LGALS8: variants seen among roughly 807,000 people sequenced by gnomAD.
LGALS8 encodes galectin-8.
In LGALS8, 30 loss-of-function variants were observed where a neutral mutation model predicts 35.9. That is an observed-to-expected ratio of 0.83 (90% CI 0.62 to 1.13). The LOEUF (loss-of-function observed/expected upper bound fraction) is 1.13. LGALS8 is among the 50% of genes most tolerant of loss of function. LGALS8 has a pLI of 0.00. For synonymous variants in LGALS8, 138 were observed against 136.1 expected (o/e 1.01, Z -0.10); for missense variants, 366 against 388.7 (o/e 0.94, Z 0.49).
chr1:236,551,409 T>C lies in LGALS8; in HGVS notation c.*3248T>C, dbSNP rs571593849. The C allele has an allele frequency of 6.1e-6, 1 of 165,128 alleles. No homozygotes were observed. The highest frequency in any genetic ancestry group is 6.0e-5 in the Admixed American group (1 of 16,644). 10.2% of individuals were successfully genotyped at this position (165,128 alleles called of 1,614,324 possible). A position where few individuals can be genotyped will look rare whatever the true frequency, so the allele number is the denominator to read the frequency against. On this transcript the variant is annotated 3_prime_UTR_variant, in exon 10 of 10. Transcript: ENST00000366584. ...TACTGTTATTTCCTGGGCCTAAGAC[T>C]CTATGTTCCAGAACTGTCACAGCTC... is the stretch of plus-strand genomic sequence containing the variant.
intron 1 of LGALS8, chr1:236,518,287 A>G (rs1660455197): frequency 6.6e-6 from 1 of 152,216 alleles, no homozygotes; most frequent in Non-Finnish European, 1.5e-5. Flanking sequence ...CTTCGGAGGT[A>G]AGCCTGGTGA....
At chr1:236,519,390 CAAA>C (rs777309791), upstream of LGALS8, among the ~76,000 whole-genome samples, 3 of 120,456 alleles carry the variant, frequency 2.5e-5, no homozygotes, top group Non-Finnish European at 3.6e-5. Context: ...GACTCTGTCT[CAAA>C]AAAAAAAAAA....
In LGALS8 at chr1:236,552,819, C is replaced by A. The variant is rs2103121524; in HGVS notation, c.*4658C>A. ...AAAACCATTTGTAACTACCTAGATT[C>A]AATCAGGATTTCCTTGATTTGTGCA... On this transcript the variant is annotated 3_prime_UTR_variant, in exon 10 of 10. Coordinates refer to ENST00000366584, the MANE Select transcript of LGALS8 (RefSeq NM_201544.4). The A allele has an allele frequency of 6.6e-6, 1 of 152,258 alleles. No homozygotes were observed. Among genetic ancestry groups the A allele is most frequent in the Middle Eastern group, 3.4e-3 (1 of 294 alleles). The allele number at this position is 152,258 out of a possible 1,614,324, so 9.4% of individuals were successfully genotyped here.
In LGALS8 at chr1:236,548,603, T is replaced by C; in HGVS notation, c.*442T>C. The C allele has an allele frequency of 3.6e-6, 1 of 279,776 alleles. No individual in the cohort carries two copies. 17.3% of individuals were successfully genotyped at this position (279,776 alleles called of 1,614,324 possible). A position where few individuals can be genotyped will look rare whatever the true frequency, so the allele number is the denominator to read the frequency against. On this transcript the variant is annotated 3_prime_UTR_variant, in exon 10 of 10. Coordinates refer to ENST00000366584, the MANE Select transcript of LGALS8 (RefSeq NM_201544.4). Reference sequence around the variant, plus strand: ...GTGCGCTACTGCTGCGCACTGCTTTTTCTACAGGCATTACATCAACTCCTA... The same window carrying C: ...GTGCGCTACTGCTGCGCACTGCTTTCTCTACAGGCATTACATCAACTCCTA...
intron 2 of LGALS8, among the ~76,000 whole-genome samples, chr1:236,531,447 C>T (rs1001189918): frequency 6.6e-6 from 1 of 152,108 alleles, no homozygotes; most frequent in Non-Finnish European, 1.5e-5. Context: ...CCTCAGCCTC[C>T]GGAGTAGCTG....
chr1:236,541,054 A>G (rs2758167), intron 5 of LGALS8, among the ~76,000 whole-genome samples: 93,007 of 152,098 alleles, frequency 0.61, 29,344 homozygotes, highest in Non-Finnish European at 0.69. Context: ...AAGATGAACC[A>G]CATATACAAC....
rs1265516592 is a variant in LGALS8, at chr1:236,548,585, A to G, written c.*424A>G. On this transcript the variant is annotated 3_prime_UTR_variant, in exon 10 of 10. Transcript: ENST00000366584. ...TTGAGCTTCGACTCTTCTGTGCGCT[A>G]CTGCTGCGCACTGCTTTTTCTACAG... is the stretch of plus-strand genomic sequence containing the variant. 2 of 267,524 alleles carry G rather than the reference A, an allele frequency of 7.5e-6. No individual in the cohort carries two copies. Among genetic ancestry groups the G allele is most frequent in the Non-Finnish European group, 1.4e-5 (2 of 143,774 alleles). The allele number at this position is 267,524 out of a possible 1,614,324, so 16.6% of individuals were successfully genotyped here. A position where few individuals can be genotyped will look rare whatever the true frequency, so the allele number is the denominator to read the frequency against.
rs1662777385 is a variant in LGALS8, at chr1:236,552,151, G to A, written c.*3990G>A. On this transcript the variant is annotated 3_prime_UTR_variant, in exon 10 of 10. Coordinates refer to ENST00000366584, the MANE Select transcript of LGALS8 (RefSeq NM_201544.4). ...CAAAGAAATAAAAAGTAGTGTTACT[G>A]TATTTATTATCTTAAGAGCTGTACT... 7.8e-7 allele frequency: 1 copy of A among 1,286,270 alleles called. No homozygotes were observed. The highest frequency in any genetic ancestry group is 1.1e-6 in the Non-Finnish European group (1 of 888,100). 79.7% of individuals were successfully genotyped at this position (1,286,270 alleles called of 1,614,324 possible). A position where few individuals can be genotyped will look rare whatever the true frequency, so the allele number is the denominator to read the frequency against.
intron 7 of LGALS8, chr1:236,543,000 T>A (rs2273865): frequency 0.049 from 78,911 of 1,613,914 alleles, 3,542 homozygotes; most frequent in African/African-American, 0.19. Flanking sequence ...AATCACACTT[T>A]GACTTGCACC....
At chr1:236,544,421 C>T (rs1406236222) in intron 8 of LGALS8, among the ~76,000 whole-genome samples, 3 of 152,220 alleles carry the variant, frequency 2.0e-5, no homozygotes, top group African/African-American at 7.2e-5. Context: ...AAAGAGAATA[C>T]CTGCTTGAGA....
chr1:236,529,773 C>T (rs557709308), intron 2 of LGALS8, among the ~76,000 whole-genome samples: 3 of 151,206 alleles, frequency 2.0e-5, no homozygotes, highest in South Asian at 2.1e-4. Context: ...CTCAGCCTCC[C>T]GAGTAGCTGG....
chr1:236,542,590 C>T (rs1038395850), intron 6 of LGALS8, 171 bp from the exon 7 acceptor site: 4 of 677,540 alleles, frequency 5.9e-6, no homozygotes, highest in Non-Finnish European at 7.9e-6. Flanking sequence ...TAGCCCTTCA[C>T]AACACCATAC....
In LGALS8 at chr1:236,552,365, TTTTATAATCTCTTCCTTTAAAAAAAA is replaced by T. The variant is rs1315206154; in HGVS notation, c.*4205_*4230del. The T allele has an allele frequency of 1.6e-5, 4 of 251,780 alleles. No homozygotes were observed. Among genetic ancestry groups the T allele is most frequent in the Non-Finnish European group, 3.0e-5 (4 of 133,596 alleles). The allele number at this position is 251,780 out of a possible 1,614,324, so 15.6% of individuals were successfully genotyped here. On this transcript the variant is annotated 3_prime_UTR_variant, in exon 10 of 10. Transcript: ENST00000366584. ...TGCAAATCTTTAATGTGAAATGTCT[TTTTATAATCTCTTCCTTTAAAAAAAA>T]CCAATAAAATAAAATGCCGCATGCA...
intron 2 of LGALS8, chr1:236,536,668 G>A (rs1226346173): frequency 6.6e-6 from 1 of 152,524 alleles, no homozygotes; most frequent in African/African-American, 2.4e-5. Flanking sequence ...CAGCAGAGAA[G>A]AGCAGGCCCT....
At chr1:236,538,217 C>T (rs1163800106) in intron 3 of LGALS8, among the ~76,000 whole-genome samples, 7 of 151,874 alleles carry the variant, frequency 4.6e-5, no homozygotes, top group Non-Finnish European at 1.5e-5. Context: ...GATGGTTTTA[C>T]TGAATACCTG....
intron 2 of LGALS8, among the ~76,000 whole-genome samples, chr1:236,527,349 G>A (rs758892114): frequency 2.0e-5 from 3 of 152,196 alleles, no homozygotes; most frequent in Non-Finnish European, 2.9e-5. Context: ...ACAAAAATAA[G>A]TAGACTTCAT....
At chr1:236,521,942 A>G (rs998979692), upstream of LGALS8, among the ~76,000 whole-genome samples, 5 of 152,192 alleles carry the variant, frequency 3.3e-5, no homozygotes, top group African/African-American at 7.2e-5. Flanking sequence ...GCAAGGGCAA[A>G]TATAGGGAGA....
upstream of LGALS8, among the ~76,000 whole-genome samples, chr1:236,520,038 C>A (rs1660508549): frequency 6.8e-6 from 1 of 147,962 alleles, no homozygotes; most frequent in East Asian, 2.0e-4. Context: ...CTCACTGCAA[C>A]CTCGGCCTTC....
chr1:236,539,323 T>G (rs1661800408), intron 4 of LGALS8: 2 of 507,482 alleles, frequency 3.9e-6, no homozygotes, highest in South Asian at 4.5e-5. Flanking sequence ...GACCAGATCT[T>G]TTTATTAGAT....
Sources: gnomAD v4.1 joint callset for allele counts (sites outside exome capture counted in the v4.1 genomes callset) on GRCh38, gnomAD v4.1.1 for gene constraint, MANE v1.5 for transcripts, NCBI Gene and HGNC (gene_info 2026-07-23, HGNC 2026-07-21) for gene names.